The following CTNNA3 variants were observed in gnomAD, a reference collection of about 807,000 sequenced individuals.
The protein encoded by CTNNA3 is catenin alpha-3.
In CTNNA3, 76 loss-of-function variants were observed where a neutral mutation model predicts 95.7. The ratio of observed to expected loss-of-function variants is 0.79; its 90% CI spans 0.66 to 0.96. CTNNA3 has a LOEUF of 0.96. CTNNA3 is among the 40% of genes least tolerant of loss of function. CTNNA3 has a pLI of 0.00. For synonymous variants in CTNNA3, 431 were observed against 374.4 expected (o/e 1.15, Z -1.74); for missense variants, 1,191 against 1,089.8 (o/e 1.09, Z -1.31).
chr10:66,246,350 T>C (rs1298949857), intron 13 of CTNNA3, among the ~76,000 whole-genome samples: 5 of 152,058 alleles, frequency 3.3e-5, no homozygotes, highest in African/African-American at 1.2e-4. Flanking sequence ...GCTGGCTCCA[T>C]GGAGCTGGAG....
chr10:67,349,049 G>T (rs188959648), intron 5 of CTNNA3, among the ~76,000 whole-genome samples: 25 of 152,248 alleles, frequency 1.6e-4, no homozygotes, highest in East Asian at 1.5e-3. Context: ...TCAAAAAGAT[G>T]AAAGATAAGT....
chr10:66,072,243 A>G (rs1016032648), intron 14 of CTNNA3, among the ~76,000 whole-genome samples: 10 of 152,212 alleles, frequency 6.6e-5, no homozygotes, highest in African/African-American at 2.4e-4. Flanking sequence ...TTAAAAATGT[A>G]AAGGCCATTC....
intron 7 of CTNNA3, among the ~76,000 whole-genome samples, chr10:66,850,152 T>A (rs1468722403): frequency 6.6e-6 from 1 of 152,132 alleles, no homozygotes; most frequent in Non-Finnish European, 1.5e-5. Flanking sequence ...GGAAGAAATG[T>A]TGTCCAAAGT....
In CTNNA3 at chr10:66,493,347, A is replaced by C. The variant is rs1358847881; in HGVS notation, c.1531+27270T>G. 2.0e-5 allele frequency among the ~76,000 whole-genome samples: 3 copies of C among 152,186 alleles called. 1 individual carries two copies. Among genetic ancestry groups the C allele is most frequent in the Non-Finnish European group, 4.4e-5 (3 of 68,026 alleles). On this transcript the variant is annotated intron_variant, in intron 11 of 17. Coordinates refer to ENST00000433211, the MANE Select transcript of CTNNA3 (RefSeq NM_013266.4). Reference sequence around the variant, plus strand: ...CAGACCAAAGAGATGGATGATTTGCAACAAAGGCAATGCACTGAAAACAGG... The same window carrying C: ...CAGACCAAAGAGATGGATGATTTGCCACAAAGGCAATGCACTGAAAACAGG...
intron 5 of CTNNA3, among the ~76,000 whole-genome samples, chr10:67,505,579 G>C (rs982996850): frequency 6.6e-6 from 1 of 152,082 alleles, no homozygotes; most frequent in African/African-American, 2.4e-5. Flanking sequence ...AAACAGTAAG[G>C]TTAAAACAAA....
intron 11 of CTNNA3, among the ~76,000 whole-genome samples, chr10:66,518,789 C>T (rs953916651): frequency 1.3e-5 from 2 of 151,680 alleles, no homozygotes; most frequent in Non-Finnish European, 2.9e-5. Context: ...ATTATTATTC[C>T]TGAGTAGTGG....
intron 7 of CTNNA3, among the ~76,000 whole-genome samples, chr10:67,159,481 A>G (rs1160515419): frequency 2.0e-5 from 3 of 152,218 alleles, no homozygotes; most frequent in Non-Finnish European, 2.9e-5. Context: ...AGACATACAG[A>G]CCAATGGAAC....
intron 7 of CTNNA3, among the ~76,000 whole-genome samples, chr10:66,935,721 A>C (rs1364258247): frequency 6.6e-6 from 1 of 151,146 alleles, no homozygotes; most frequent in Non-Finnish European, 1.5e-5. Flanking sequence ...TGTACCAGGA[A>C]TTTGTATATA....
intron 7 of CTNNA3, among the ~76,000 whole-genome samples, chr10:66,861,391 G>T (rs190553408): frequency 6.6e-6 from 1 of 152,040 alleles, no homozygotes; most frequent in South Asian, 2.1e-4. Flanking sequence ...GTGCACATTC[G>T]GTTCACTGAC....
intron 7 of CTNNA3, among the ~76,000 whole-genome samples, chr10:67,125,310 G>A (rs1859668859): frequency 6.6e-6 from 1 of 152,102 alleles, no homozygotes; most frequent in South Asian, 2.1e-4. Context: ...TGACCTGAGT[G>A]TGACTGTCAT....
chr10:66,333,973 A>C (rs1230935503), intron 12 of CTNNA3, among the ~76,000 whole-genome samples: 3 of 151,942 alleles, frequency 2.0e-5, no homozygotes, highest in Admixed American at 1.3e-4. Context: ...GATCCCTTTA[A>C]CATTATGTAA....
chr10:67,539,848 C>G (rs920668135), intron 3 of CTNNA3, among the ~76,000 whole-genome samples, 179 bp from the exon 4 acceptor site: 2 of 152,012 alleles, frequency 1.3e-5, no homozygotes, highest in African/African-American at 4.8e-5. Context: ...TTGTTTTTCA[C>G]AAATATTTTG....
intron 9 of CTNNA3, among the ~76,000 whole-genome samples, chr10:66,642,756 C>T (rs1308269458): frequency 6.6e-6 from 1 of 152,104 alleles, no homozygotes; most frequent in Non-Finnish European, 1.5e-5. Context: ...ACTTTATTAG[C>T]ATACCATTAA....
At chr10:67,232,179 C>T (rs375487214) in intron 5 of CTNNA3, among the ~76,000 whole-genome samples, 101 of 152,088 alleles carry the variant, frequency 6.6e-4, no homozygotes, top group Non-Finnish European at 1.3e-3. Context: ...AGACACTCCT[C>T]GAGAAGAGCA....
chr10:65,920,014 C>A lies in CTNNA3; in HGVS notation c.*316G>T, dbSNP rs1443757532. Reference sequence around the variant, plus strand: ...CATGAAGTATTACAGATAAACAGGACTCTCTGGCCTCTCCTGTGTTTATTT... The same window carrying A: ...CATGAAGTATTACAGATAAACAGGAATCTCTGGCCTCTCCTGTGTTTATTT... On this transcript the variant is annotated 3_prime_UTR_variant, in exon 18 of 18. Coordinates refer to ENST00000433211, the MANE Select transcript of CTNNA3 (RefSeq NM_013266.4). 1 of 297,908 alleles carries A rather than the reference C, an allele frequency of 3.4e-6. No homozygotes were observed. Among genetic ancestry groups the A allele is most frequent in the Admixed American group, 4.7e-5 (1 of 21,062 alleles). The allele number at this position is 297,908 out of a possible 1,614,324, so 18.5% of individuals were successfully genotyped here. A position where few individuals can be genotyped will look rare whatever the true frequency, so the allele number is the denominator to read the frequency against.
At chr10:66,526,076 A>G (rs1841247850) in intron 10 of CTNNA3, among the ~76,000 whole-genome samples, 2 of 152,056 alleles carry the variant, frequency 1.3e-5, no homozygotes, top group Admixed American at 1.3e-4. Flanking sequence ...GGTTGTTTCC[A>G]TATTTTGGCT....
chr10:67,626,573 T>C (rs2133424703), intron 2 of CTNNA3, among the ~76,000 whole-genome samples: 2 of 152,342 alleles, frequency 1.3e-5, no homozygotes, highest in East Asian at 3.8e-4. Flanking sequence ...GATGGGACTT[T>C]GAGTGACCCT....
At chr10:66,431,190 A>C (rs1174981083) in intron 11 of CTNNA3, among the ~76,000 whole-genome samples, 1 of 152,242 alleles carries the variant, frequency 6.6e-6, no homozygotes, top group Non-Finnish European at 1.5e-5. Context: ...TGAAAACCAC[A>C]ATGAGACATC....
At chr10:66,794,652 A>G (rs1471243105) in intron 7 of CTNNA3, among the ~76,000 whole-genome samples, 4 of 152,126 alleles carry the variant, frequency 2.6e-5, no homozygotes, top group Admixed American at 1.3e-4. Context: ...GCTTCTGAAT[A>G]TAAGATAACT....
Sources: allele counts gnomAD v4.1 joint callset (sites outside exome capture counted in the v4.1 genomes callset), GRCh38; gene constraint gnomAD v4.1.1; transcripts MANE v1.5; gene names NCBI Gene and HGNC (gene_info 2026-07-23, HGNC 2026-07-21).